The following NEBL variants were observed in gnomAD, a reference collection of about 807,000 sequenced individuals.
NEBL encodes the protein nebulette, also known as LIM and SH3 protein 2.
In NEBL, 122 loss-of-function variants were observed where a neutral mutation model predicts 140.2. The ratio of observed to expected loss-of-function variants is 0.87; its 90% CI spans 0.75 to 1.01. NEBL has a LOEUF of 1.01. Ranked by LOEUF, NEBL falls within the 50% of genes least tolerant of loss-of-function variation. The pLI, the probability that NEBL is intolerant of heterozygous loss-of-function variation, is 0.00. For missense variants in NEBL, 1,365 were observed against 1,231.3 expected, an observed-to-expected ratio of 1.11 and a Z score of -1.62; for synonymous variants, 436 against 398.9, an observed-to-expected ratio of 1.09 and a Z score of -1.11.
At chr10:21,042,226 A>T (rs956649844) in intron 2 of NEBL, among the ~76,000 whole-genome samples, 8 of 152,166 alleles carry the variant, frequency 5.3e-5, no homozygotes, top group Admixed American at 1.3e-4. Flanking sequence ...CAACCTTATG[A>T]GGTACATACT....
intron 1 of NEBL, among the ~76,000 whole-genome samples, chr10:21,274,448 C>T (rs1414799017): frequency 6.6e-6 from 1 of 152,152 alleles, no homozygotes; most frequent in Admixed American, 6.6e-5. Context: ...ATTTTTGAGA[C>T]ACAATTTCCC....
chr10:21,224,095 A>G (rs1034103064), intron 3 of NEBL, among the ~76,000 whole-genome samples: 17 of 152,180 alleles, frequency 1.1e-4, no homozygotes, highest in Non-Finnish European at 2.2e-4. Flanking sequence ...TGCCACTCCA[A>G]TGTCCTGGAG....
intron 4 of NEBL, among the ~76,000 whole-genome samples, chr10:20,938,254 G>A (rs992377327): frequency 2.0e-5 from 3 of 152,182 alleles, no homozygotes; most frequent in Non-Finnish European, 4.4e-5. Flanking sequence ...GCAGAGGAAC[G>A]ATCAAGCAGC....
Position 21,085,204 on chromosome 10 carries a change from C to T in NEBL, c.165-65003G>A, listed in dbSNP as rs118188230. 2.9e-4 allele frequency among the ~76,000 whole-genome samples: 44 copies of T among 152,306 alleles called. 1 individual carries two copies. The East Asian group carries it at 7.5e-3, about 26-fold the overall frequency. ...GCTCCATCACATGCTAATCTTGAAA[C>T]ATTTATATTTCTTCCAAAAGTAGAA... On this transcript the variant is annotated intron_variant, in intron 2 of 6. Coordinates refer to the NEBL transcript ENST00000417816.
chr10:20,950,241 T>C (rs961845057), intron 4 of NEBL, among the ~76,000 whole-genome samples: 1 of 152,240 alleles, frequency 6.6e-6, no homozygotes. Context: ...TAGTAAACAC[T>C]TTAAAACATG....
rs1373799893 is a variant in NEBL, at chr10:21,029,215, C to T, written c.165-9014G>A. Reference sequence around the variant, plus strand: ...GGCGCCTCCAATTGACCATTCCATCCTTCCCACTGCTCCACCGGCTGCTCG... The same window carrying T: ...GGCGCCTCCAATTGACCATTCCATCTTTCCCACTGCTCCACCGGCTGCTCG... On this transcript the variant is annotated intron_variant, in intron 2 of 6. Transcript: ENST00000417816. The T allele has an allele frequency of 3.4e-6, 5 of 1,458,712 alleles. No individual in the cohort carries two copies. The East Asian group carries it at 9.1e-5, about 26-fold the overall frequency. The allele number at this position is 1,458,712 out of a possible 1,614,324, so 90.4% of individuals were successfully genotyped here. A position where few individuals can be genotyped will look rare whatever the true frequency, so the allele number is the denominator to read the frequency against.
intron 2 of NEBL, among the ~76,000 whole-genome samples, chr10:21,137,909 A>G (rs1447609550): frequency 6.6e-6 from 1 of 150,782 alleles, no homozygotes; most frequent in Non-Finnish European, 1.5e-5. Context: ...CCTGGGTGAC[A>G]GAGCAAGACC....
At chr10:20,898,631 C>G (rs1847687996), upstream of NEBL, among the ~76,000 whole-genome samples, 1 of 151,464 alleles carries the variant, frequency 6.6e-6, no homozygotes, top group African/African-American at 2.4e-5. Context: ...CAGTCTCTGT[C>G]CCTGCCACTT....
chr10:21,035,365 T>A (rs1280741476), intron 2 of NEBL, among the ~76,000 whole-genome samples: 1 of 149,772 alleles, frequency 6.7e-6, no homozygotes, highest in Non-Finnish European at 1.5e-5. Flanking sequence ...TACAACAGTA[T>A]GTGTTAAAGA....
At chr10:20,801,140 T>A (rs1837084041) in intron 26 of NEBL, among the ~76,000 whole-genome samples, 2 of 152,202 alleles carry the variant, frequency 1.3e-5, no homozygotes, top group African/African-American at 4.8e-5. Context: ...TTTTTCTGCC[T>A]AGTACATTCC....
chr10:21,205,113 C>T (rs978138936), intron 3 of NEBL, among the ~76,000 whole-genome samples: 1 of 152,194 alleles, frequency 6.6e-6, no homozygotes, highest in African/African-American at 2.4e-5. Context: ...AAGAATTTAT[C>T]AGTGTTATCT....
intron 9 of NEBL, among the ~76,000 whole-genome samples, chr10:20,856,536 G>C (rs756049332): frequency 6.6e-6 from 1 of 152,278 alleles, no homozygotes; most frequent in Non-Finnish European, 1.5e-5. Flanking sequence ...AAGAAAGCAG[G>C]GGGCTCAGGG....
intron 11 of NEBL, chr10:20,845,603 T>C (rs1841854374): frequency 2.9e-5 from 13 of 441,932 alleles, no homozygotes; most frequent in South Asian, 2.8e-4. Flanking sequence ...TAAGTGAGGC[T>C]TCCTAACATC....
intron 3 of NEBL, among the ~76,000 whole-genome samples, chr10:21,004,653 G>T (rs1458371020): frequency 2.0e-5 from 3 of 152,056 alleles, no homozygotes; most frequent in Admixed American, 6.5e-5. Context: ...CCGGGAGGTG[G>T]AGCTTGCAGT....
At chr10:21,222,219 G>A (rs1842079002) in intron 3 of NEBL, among the ~76,000 whole-genome samples, 1 of 151,726 alleles carries the variant, frequency 6.6e-6, no homozygotes, top group African/African-American at 2.4e-5. Flanking sequence ...GCCGAGGTGG[G>A]AGAATCGCTT....
intron 12 of NEBL, among the ~76,000 whole-genome samples, chr10:20,844,462 A>G (rs555105748): frequency 6.6e-6 from 1 of 151,190 alleles, no homozygotes; most frequent in East Asian, 1.9e-4. Context: ...TAAAGAGTAT[A>G]TAAGCAGATT....
chr10:21,266,291 A>G (rs1842795941), intron 1 of NEBL, among the ~76,000 whole-genome samples: 1 of 151,906 alleles, frequency 6.6e-6, no homozygotes, highest in African/African-American at 2.4e-5. Context: ...ACAGGTGCAC[A>G]CCACCATGCC....
intron 3 of NEBL, among the ~76,000 whole-genome samples, chr10:21,204,364 G>A (rs565492248): frequency 2.6e-5 from 4 of 152,292 alleles, no homozygotes; most frequent in Admixed American, 2.0e-4. Flanking sequence ...TGAGGTCATC[G>A]GGGTGAGTCC....
chr10:21,137,102 G>A (rs576061007), intron 2 of NEBL, among the ~76,000 whole-genome samples: 1 of 152,254 alleles, frequency 6.6e-6, no homozygotes, highest in South Asian at 2.1e-4. Flanking sequence ...CATGGTCGTT[G>A]GTCTTAGGTA....
Sources: allele counts gnomAD v4.1 joint callset (sites outside exome capture counted in the v4.1 genomes callset), GRCh38; gene constraint gnomAD v4.1.1; transcripts MANE v1.5; gene names NCBI Gene and HGNC (gene_info 2026-07-23, HGNC 2026-07-21).